SLC9A2: variants seen among roughly 807,000 people sequenced by gnomAD.
SLC9A2 encodes solute carrier family 9 member A2.
SLC9A2 carries 42 observed loss-of-function variants against 71.7 expected under a neutral mutation model. The ratio of observed to expected loss-of-function variants is 0.59; its 90% CI spans 0.46 to 0.76. The LOEUF (loss-of-function observed/expected upper bound fraction) is 0.76, where lower values mean the gene tolerates loss of function less well. Ranked by LOEUF, SLC9A2 falls within the 30% of genes least tolerant of loss-of-function variation. The probability of loss-of-function intolerance (pLI) is 0.00; values close to 1 mark genes in which losing one functional copy is unlikely to be tolerated. For synonymous variants in SLC9A2, 396 were observed against 392.5 expected (o/e 1.01, Z -0.10); for missense variants, 829 against 1,017.4 (o/e 0.81, Z 2.52).
intron 1 of SLC9A2, among the ~76,000 whole-genome samples, chr2:102,621,352 GAA>G (rs768118079): frequency 0.01 from 1,102 of 109,516 alleles, 12 homozygotes; most frequent in African/African-American, 0.036. Flanking sequence ...TTGTCTCAGG[GAA>G]AAAAAAAAAA....
chr2:102,711,194 A>T lies in SLC9A2; in HGVS notation c.*2705A>T, dbSNP rs532387733. ...ACGAGTCTCAGCACGTTTTGCATTT[A>T]TTGTACTGCCCAAATTGTTTTTATG... On this transcript the variant is annotated 3_prime_UTR_variant, in exon 12 of 12. Transcript: ENST00000233969. 7.2e-5 allele frequency: 11 copies of T among 152,332 alleles called. No homozygotes were observed. Among genetic ancestry groups the T allele is most frequent in the Non-Finnish European group, 1.5e-4 (10 of 68,036 alleles). 9.4% of individuals were successfully genotyped at this position (152,332 alleles called of 1,614,324 possible).
intron 1 of SLC9A2, among the ~76,000 whole-genome samples, chr2:102,641,104 C>T (rs975610481): frequency 1.1e-4 from 16 of 152,116 alleles, no homozygotes; most frequent in African/African-American, 3.9e-4. Context: ...ATAGGAGCGT[C>T]ACAGTGAATA....
intron 3 of SLC9A2, among the ~76,000 whole-genome samples, chr2:102,677,543 T>C (rs773801793): frequency 1.3e-5 from 2 of 152,168 alleles, no homozygotes; most frequent in African/African-American, 2.4e-5. Context: ...CTCCACTCTG[T>C]CCTACAGAAT....
At position 102,708,417 on chromosome 2, in the gene SLC9A2, G is replaced by GCCA. The variant is rs1558727269; in HGVS notation, c.2372_2374dup (p.Pro791dup). 11 of 1,614,194 alleles carry GCCA rather than the reference G, an allele frequency of 6.8e-6. No individual in the cohort carries two copies. The highest frequency in any genetic ancestry group is 8.5e-6 in the Non-Finnish European group (10 of 1,180,038). ...TGACTGAAGGCATCCCGCCCAAGCC[G>GCCA]CCACCACGGCTGGTCTGGAGGGCAT... On this transcript the variant is annotated inframe_insertion, in exon 12 of 12. Transcript: ENST00000233969.
chr2:102,708,025 A>G, intron 11 of SLC9A2, 94 bp from the exon 12 acceptor site: 4 of 1,335,608 alleles, frequency 3.0e-6, no homozygotes, highest in Non-Finnish European at 4.1e-6. Flanking sequence ...GAGCCCCAGG[A>G]CGTATCAGTT....
chr2:102,667,043 G>A (rs1370528631), intron 3 of SLC9A2, among the ~76,000 whole-genome samples: 2 of 152,162 alleles, frequency 1.3e-5, no homozygotes, highest in African/African-American at 4.8e-5. Context: ...GGAGGAAGTC[G>A]AAGACCCCCT....
intron 1 of SLC9A2, among the ~76,000 whole-genome samples, chr2:102,655,210 C>CT (rs58932567): frequency 0.13 from 18,470 of 138,190 alleles, 1,377 homozygotes; most frequent in Non-Finnish European, 0.16. Flanking sequence ...TACCCTTATT[C>CT]TTTTTTTTTT....
At chr2:102,681,987 T>G (rs1677460711) in intron 3 of SLC9A2, among the ~76,000 whole-genome samples, 1 of 152,176 alleles carries the variant, frequency 6.6e-6, no homozygotes, top group South Asian at 2.1e-4. Flanking sequence ...AGCAGAAGTC[T>G]TCTCCGAGTG....
chr2:102,675,488 T>G (rs1677331257), intron 3 of SLC9A2, among the ~76,000 whole-genome samples: 1 of 152,234 alleles, frequency 6.6e-6, no homozygotes, highest in Non-Finnish European at 1.5e-5. Flanking sequence ...GTTTTCATGG[T>G]ACTCTGGGTG....
intron 1 of SLC9A2, among the ~76,000 whole-genome samples, chr2:102,642,170 C>T (rs752251618): frequency 1.3e-5 from 2 of 152,104 alleles, no homozygotes; most frequent in Non-Finnish European, 2.9e-5. Context: ...CCATAATGTA[C>T]GTGGTTTCCA....
At chr2:102,669,254 T>C (rs552717472) in intron 3 of SLC9A2, among the ~76,000 whole-genome samples, 1 of 152,306 alleles carries the variant, frequency 6.6e-6, no homozygotes, top group African/African-American at 2.4e-5. Context: ...GGTTTCCCCT[T>C]TGTGGCCCTT....
chr2:102,684,052 A>T, intron 4 of SLC9A2, 82 bp from the exon 5 acceptor site: 2 of 1,024,360 alleles, frequency 2.0e-6, no homozygotes, highest in Non-Finnish European at 3.0e-6. Context: ...TCCCCATCGC[A>T]GAAGCACAGA....
chr2:102,648,105 C>G (rs930693050), intron 1 of SLC9A2, among the ~76,000 whole-genome samples: 2 of 152,156 alleles, frequency 1.3e-5, no homozygotes, highest in Admixed American at 6.6e-5. Context: ...AAAATACTTG[C>G]AAACTGAATC....
At chr2:102,670,034 A>AT (rs749681599) in intron 3 of SLC9A2, among the ~76,000 whole-genome samples, 2 of 28,328 alleles carry the variant, frequency 7.1e-5, no homozygotes, top group Non-Finnish European at 1.1e-4. Flanking sequence ...TTTTATTTTT[A>AT]TTTTTTATTT....
intron 3 of SLC9A2, among the ~76,000 whole-genome samples, chr2:102,665,766 T>C (rs1050254985): frequency 3.4e-5 from 3 of 88,140 alleles, no homozygotes; most frequent in East Asian, 6.8e-4. Flanking sequence ...ACAGCAAGAC[T>C]CTGTCTTAAA....
intron 1 of SLC9A2, among the ~76,000 whole-genome samples, chr2:102,648,254 T>C (rs1417098174): frequency 6.6e-6 from 1 of 152,166 alleles, no homozygotes; most frequent in African/African-American, 2.4e-5. Flanking sequence ...CATGATTATC[T>C]AAATAGATGC....
intron 3 of SLC9A2, among the ~76,000 whole-genome samples, chr2:102,673,788 CTTT>C (rs773324787): frequency 2.1e-5 from 3 of 141,504 alleles, no homozygotes; most frequent in Admixed American, 7.0e-5. Context: ...GAAATAAATA[CTTT>C]TTTTTTTTTT....
At chr2:102,678,792 A>G (rs578117916) in intron 3 of SLC9A2, among the ~76,000 whole-genome samples, 18 of 152,306 alleles carry the variant, frequency 1.2e-4, no homozygotes, top group African/African-American at 4.3e-4. Flanking sequence ...ACTCATATGT[A>G]TATACTGTGA....
In SLC9A2 at chr2:102,620,027, C is replaced by G; in HGVS notation, c.179C>G (p.Thr60Arg). 6.2e-7 allele frequency: 1 copy of G among 1,614,098 alleles called. No homozygotes were observed. The highest frequency in any genetic ancestry group is 8.5e-7 in the Non-Finnish European group (1 of 1,180,006). ...CCTGCGAGCGTGGTGGCTCCCGGAA[C>G]GACGCTGTTCGAGGAGAGCCGGCTG... ...PSPASVVAPG[T>R]TLFEESRLPV... The change falls in exon 1 of 12, where the codon ACG becomes AGG. Residue 60 changes from threonine to arginine, a missense_variant. This residue lies in a region of SLC9A2 where 106 missense variants were observed against 93.5 expected (regional missense o/e 1.13). Transcript: ENST00000233969.
Sources: gnomAD v4.1 joint callset for allele counts (sites outside exome capture counted in the v4.1 genomes callset) on GRCh38, gnomAD v4.1.1 for gene constraint, gnomAD v4.1.1 regional missense constraint, MANE v1.5 for transcripts, NCBI Gene and HGNC (gene_info 2026-07-23, HGNC 2026-07-21) for gene names.